MAST4: variants seen among roughly 807,000 people sequenced by gnomAD.
The protein encoded by MAST4 is microtubule-associated serine/threonine-protein kinase 4.
In MAST4, 89 loss-of-function variants were observed where a neutral mutation model predicts 162.7. The observed-to-expected ratio is 0.55, with a 90% CI of 0.46 to 0.65. The LOEUF (loss-of-function observed/expected upper bound fraction) is 0.65. Ranked by LOEUF, MAST4 falls within the 30% of genes least tolerant of loss-of-function variation. The pLI, the probability that MAST4 is intolerant of heterozygous loss-of-function variation, is 0.00. For synonymous variants in MAST4, 1,479 were observed against 1,361.1 expected (o/e 1.09, Z -1.91); for missense variants, 3,153 against 3,374.0 (o/e 0.93, Z 1.62).
intron 5 of MAST4, among the ~76,000 whole-genome samples, chr5:67,075,117 G>A (rs1428226055): frequency 6.7e-6 from 1 of 149,390 alleles, no homozygotes. Flanking sequence ...AAATGTATAT[G>A]TCTGCTGGAG....
chr5:66,958,450 A>G (rs904307141), intron 4 of MAST4, among the ~76,000 whole-genome samples: 18 of 152,092 alleles, frequency 1.2e-4, no homozygotes, highest in African/African-American at 4.1e-4. Context: ...TTCCCTCCTT[A>G]TTCATATTAG....
At chr5:66,695,822 T>C (rs1561268364) in intron 1 of MAST4, among the ~76,000 whole-genome samples, 1 of 152,146 alleles carries the variant, frequency 6.6e-6, no homozygotes, top group South Asian at 2.1e-4. Flanking sequence ...GAACCAGAAA[T>C]ATCATTTGAC....
chr5:67,163,623 C>A lies in MAST4; in HGVS notation c.4444C>A (p.Arg1482=), dbSNP rs1224052028. Residue 1482 remains arginine, a synonymous_variant, in exon 29 of 29, where the codon CGG becomes AGG. Coordinates refer to ENST00000403625, the MANE Select transcript of MAST4 (RefSeq NM_001164664.2). This position sits in a 1 kb window ranked among gnomAD's most constrained non-coding sequence, Gnocchi z 7.0. ...QEEVQREQSQ[R]EAPLQSLDEN... is the part of the protein sequence containing the mutation. ...GGAGGTGCAGCGGGAGCAGTCCCAG[C>A]GGGAGGCGCCGCTGCAGAGCCTGGA... 1.2e-6 allele frequency: 2 copies of A among 1,603,716 alleles called. No individual in the cohort carries two copies. Among genetic ancestry groups the A allele is most frequent in the Non-Finnish European group, 1.7e-6 (2 of 1,175,806 alleles).
At chr5:66,872,899 C>A (rs867472688) in intron 3 of MAST4, among the ~76,000 whole-genome samples, 3 of 152,186 alleles carry the variant, frequency 2.0e-5, no homozygotes, top group Non-Finnish European at 4.4e-5. Flanking sequence ...TGTTCCCCCT[C>A]TTTCTTTTGT....
chr5:67,140,659 T>C (rs1214775133), intron 19 of MAST4, among the ~76,000 whole-genome samples: 1 of 152,248 alleles, frequency 6.6e-6, no homozygotes, highest in African/African-American at 2.4e-5. Context: ...CGGTGCTTTA[T>C]TGCTTATGCT....
rs558460074 is a variant in MAST4 at position 66,942,755 on chromosome 5, T to C, written c.674+42773T>C. Among the ~76,000 whole-genome samples, 16 of 152,286 alleles carry C rather than the reference T, an allele frequency of 1.1e-4. No homozygotes were observed. The South Asian group carries it at 2.9e-3, about 28-fold the overall frequency. On this transcript the variant is annotated intron_variant, in intron 4 of 28. Transcript: ENST00000403625. ...TGTTTGAATAAGGGTAGTTATGTCA[T>C]GAATGATAGTATAACATAAGGATTA...
At chr5:66,627,953 A>G (rs1744546254) in intron 1 of MAST4, among the ~76,000 whole-genome samples, 1 of 151,754 alleles carries the variant, frequency 6.6e-6, no homozygotes, top group Non-Finnish European at 1.5e-5. Context: ...ACCCCTACCA[A>G]TTGCTATTTT....
intron 1 of MAST4, among the ~76,000 whole-genome samples, chr5:66,667,122 A>G (rs1444803760): frequency 6.6e-6 from 1 of 152,164 alleles, no homozygotes; most frequent in African/African-American, 2.4e-5. Flanking sequence ...AAGTTTGACC[A>G]TACCTGTGTA....
chr5:66,835,893 G>T (rs1757934001), intron 3 of MAST4, among the ~76,000 whole-genome samples: 2 of 152,204 alleles, frequency 1.3e-5, no homozygotes, highest in East Asian at 3.9e-4. Flanking sequence ...TTTTGGGATG[G>T]GTGCAGTGGC....
chr5:66,671,056 G>A (rs1222092389), intron 1 of MAST4, among the ~76,000 whole-genome samples: 1 of 152,014 alleles, frequency 6.6e-6, no homozygotes, highest in Non-Finnish European at 1.5e-5. Flanking sequence ...TGCTGTGATT[G>A]TGTGTGTGTG....
chr5:66,775,392 A>C (rs1008730429), intron 2 of MAST4, among the ~76,000 whole-genome samples: 1 of 152,134 alleles, frequency 6.6e-6, no homozygotes, highest in Non-Finnish European at 1.5e-5. Flanking sequence ...ATAAAACATG[A>C]GGCATTGACC....
At chr5:66,990,200 A>G (rs538226815) in intron 4 of MAST4, among the ~76,000 whole-genome samples, 2 of 152,354 alleles carry the variant, frequency 1.3e-5, no homozygotes, top group East Asian at 3.9e-4. Context: ...AATTTTAAAT[A>G]CTTAAAAAAT....
chr5:66,612,420 T>C (rs1268895012), intron 1 of MAST4, among the ~76,000 whole-genome samples: 1 of 152,242 alleles, frequency 6.6e-6, no homozygotes, highest in East Asian at 1.9e-4. Flanking sequence ...TGCTGCCAAC[T>C]CGGCTTGCTC....
chr5:66,961,574 T>A (rs545519683), intron 4 of MAST4, among the ~76,000 whole-genome samples: 1 of 152,366 alleles, frequency 6.6e-6, no homozygotes, highest in East Asian at 1.9e-4. Flanking sequence ...TATACAGAAA[T>A]TTATGATGCC....
chr5:66,704,144 G>A (rs1749962898), intron 1 of MAST4, among the ~76,000 whole-genome samples: 1 of 152,000 alleles, frequency 6.6e-6, no homozygotes, highest in Non-Finnish European at 1.5e-5. Flanking sequence ...GTAACCATTT[G>A]TATCTCATTT....
chr5:67,151,310 G>T (rs1771778115), intron 24 of MAST4, among the ~76,000 whole-genome samples: 1 of 150,280 alleles, frequency 6.7e-6, no homozygotes, highest in South Asian at 2.1e-4. Context: ...TCTGACAAGG[G>T]CTTGTTCCTC....
intron 2 of MAST4, among the ~76,000 whole-genome samples, chr5:66,763,862 T>A (rs1036521551): frequency 1.1e-4 from 17 of 152,242 alleles, no homozygotes; most frequent in Admixed American, 1.1e-3. Context: ...GTAACCCCAC[T>A]GTAAGATGAG....
chr5:66,660,944 G>T (rs1203761418), intron 1 of MAST4, among the ~76,000 whole-genome samples: 2 of 152,108 alleles, frequency 1.3e-5, no homozygotes, highest in African/African-American at 4.8e-5. Context: ...CCAGACTATT[G>T]CAGTCAGGCT....
At chr5:66,990,987 T>C (rs73766124) in intron 4 of MAST4, among the ~76,000 whole-genome samples, 1,799 of 152,276 alleles carry the variant, frequency 0.012, 37 homozygotes, top group African/African-American at 0.041. Context: ...TTCTCAAAAA[T>C]AATGACTCTG....
Sources: allele counts gnomAD v4.1 joint callset (sites outside exome capture counted in the v4.1 genomes callset), GRCh38; gene constraint gnomAD v4.1.1; non-coding constraint Gnocchi (gnomAD v3.1); transcripts MANE v1.5; gene names NCBI Gene and HGNC (gene_info 2026-07-23, HGNC 2026-07-21).